The following CPS1 variants were observed in gnomAD, a reference collection of about 807,000 sequenced individuals.
CPS1 encodes the protein carbamoyl-phosphate synthase [ammonia], mitochondrial.
In CPS1, 109 loss-of-function variants were observed where a neutral mutation model predicts 174.6. That is an observed-to-expected ratio of 0.62 (90% CI 0.53 to 0.73). CPS1 has a LOEUF of 0.73. CPS1 is among the 30% of genes least tolerant of loss of function. The pLI is 0.00. For missense variants in CPS1, 1,689 were observed against 1,821.9 expected, an observed-to-expected ratio of 0.93 and a Z score of 1.33; for synonymous variants, 637 against 632.0, an observed-to-expected ratio of 1.01 and a Z score of -0.12.
At chr2:210,544,387 C>T (rs1333010435) in intron 1 of CPS1, among the ~76,000 whole-genome samples, 2 of 152,036 alleles carry the variant, frequency 1.3e-5, no homozygotes, top group Non-Finnish European at 2.9e-5. Flanking sequence ...AAATGATGCA[C>T]ACAAAGGTTA....
chr2:210,577,389 AACCT>A (rs1697748874), intron 3 of CPS1, 28 bp from the exon 4 acceptor site: 1 of 1,521,274 alleles, frequency 6.6e-7, no homozygotes, highest in Non-Finnish European at 9.1e-7. Context: ...ATCTTGTGAT[AACCT>A]CTTTAAAATG....
At chr2:210,604,992 T>C in intron 16 of CPS1, 110 bp from the exon 17 acceptor site, 1 of 1,195,708 alleles carries the variant, frequency 8.4e-7, no homozygotes, top group South Asian at 1.3e-5. Context: ...GGAGACGGGG[T>C]TTGAGAGTTC....
intron 16 of CPS1, among the ~76,000 whole-genome samples, chr2:210,602,785 G>T (rs150116483): frequency 6.6e-6 from 1 of 152,000 alleles, no homozygotes; most frequent in Admixed American, 6.6e-5. Flanking sequence ...AGCACATTGA[G>T]TAGTTTGACT....
intron 1 of CPS1, among the ~76,000 whole-genome samples, chr2:210,483,635 C>T (rs1387020388): frequency 2.6e-5 from 4 of 152,138 alleles, no homozygotes; most frequent in Admixed American, 6.5e-5. Flanking sequence ...TGGGTCCTCT[C>T]GTAACTCCCA....
At chr2:210,660,954 A>C (rs1293256167) in intron 32 of CPS1, among the ~76,000 whole-genome samples, 1 of 152,236 alleles carries the variant, frequency 6.6e-6, no homozygotes. Context: ...TAGCTGGTAA[A>C]TAGAAATCCA....
At chr2:210,511,956 G>T (rs1695506720) in intron 1 of CPS1, among the ~76,000 whole-genome samples, 1 of 151,898 alleles carries the variant, frequency 6.6e-6, no homozygotes, top group African/African-American at 2.4e-5. Context: ...ATGAGTCATT[G>T]AACCCCAAAT....
chr2:210,599,412 C>T lies in CPS1; in HGVS notation c.1400C>T (p.Ala467Val), dbSNP rs746395584. Reference protein sequence around the residue: ...VKTVLMNPNIASVQTNEVGLK... With the variant: ...VKTVLMNPNIVSVQTNEVGLK... ...ACTGTTCTGATGAACCCAAACATTG[C>T]ATCAGTCCAGACCAATGAGGTGGGC... Residue 467 changes from alanine to valine, a missense_variant, in exon 14 of 38, where the codon GCA becomes GTA. Ala to Val is a moderately conservative substitution (Grantham distance 64). Transcript: ENST00000233072. 3.7e-6 allele frequency: 6 copies of T among 1,612,446 alleles called. No individual in the cohort carries two copies. Among genetic ancestry groups the T allele is most frequent in the Non-Finnish European group, 5.1e-6 (6 of 1,178,976 alleles).
intron 1 of CPS1, 31 bp downstream of exon 1, chr2:210,556,890 A>G: frequency 6.2e-7 from 1 of 1,610,392 alleles, no homozygotes; most frequent in African/African-American, 1.3e-5. Flanking sequence ...TTCTGATAAA[A>G]TACTATGGGG....
intron 6 of CPS1, among the ~76,000 whole-genome samples, chr2:210,583,017 A>G (rs1018373195): frequency 1.3e-5 from 2 of 152,124 alleles, no homozygotes; most frequent in African/African-American, 4.8e-5. Context: ...GAAGCACTGA[A>G]TTGCCAAAGA....
At chr2:210,665,422 C>T (rs1701060967) in intron 33 of CPS1, among the ~76,000 whole-genome samples, 1 of 150,224 alleles carries the variant, frequency 6.7e-6, no homozygotes, top group Admixed American at 6.6e-5. Flanking sequence ...TGTGCTGCAG[C>T]CATTAACTCA....
intron 1 of CPS1, among the ~76,000 whole-genome samples, chr2:210,522,935 T>C (rs1183979230): frequency 6.6e-6 from 1 of 151,982 alleles, no homozygotes; most frequent in East Asian, 1.9e-4. Context: ...AATATATTAA[T>C]CCATAATTAA....
chr2:210,601,520 C>T (rs1259909217), intron 15 of CPS1, among the ~76,000 whole-genome samples: 1 of 151,924 alleles, frequency 6.6e-6, no homozygotes, highest in Admixed American at 6.6e-5. Context: ...CTCTGCTGCA[C>T]AATTTGGGAA....
chr2:210,538,259 C>G (rs963236577), intron 1 of CPS1, among the ~76,000 whole-genome samples: 19 of 152,096 alleles, frequency 1.2e-4, no homozygotes, highest in African/African-American at 4.1e-4. Flanking sequence ...TCCTATATTT[C>G]CTATTATAAT....
intron 1 of CPS1, among the ~76,000 whole-genome samples, chr2:210,568,796 T>C (rs1559080911): frequency 6.6e-6 from 1 of 152,090 alleles, no homozygotes; most frequent in African/African-American, 2.4e-5. Context: ...GATATCTACA[T>C]TTTAGATAAG....
At chr2:210,497,839 G>A (rs1470731843) in intron 1 of CPS1, among the ~76,000 whole-genome samples, 1 of 146,668 alleles carries the variant, frequency 6.8e-6, no homozygotes, top group Non-Finnish European at 1.5e-5. Flanking sequence ...TCTGAAGAGT[G>A]CTGCAATAAA....
At position 210,608,492 on chromosome 2, in the gene CPS1, G is replaced by T. The variant is rs766970243; in HGVS notation, c.2324G>T (p.Arg775Leu). ...GATTACATGGTCACCAAGATTCCCC[G>T]CTGGGATCTTGACCGTTTTCATGGA... ...SLDYMVTKIP[R>L]WDLDRFHGTS... The change falls in exon 19 of 38, where the codon CGC becomes CTC. Residue 775 changes from arginine to leucine, a missense_variant. Physicochemically the swap from Arg to Leu is moderately radical, Grantham distance 102 (BLOSUM62 -2). Coordinates refer to ENST00000233072, the MANE Select transcript of CPS1 (RefSeq NM_001875.5). 6.2e-6 allele frequency: 10 copies of T among 1,612,208 alleles called. No homozygotes were observed. The highest frequency in any genetic ancestry group is 2.2e-5 in the East Asian group (1 of 44,790).
chr2:210,678,590 CT>C lies in CPS1; in HGVS notation c.*610del. On this transcript the variant is annotated 3_prime_UTR_variant, in exon 38 of 38. Transcript: ENST00000233072. ...CATTTAGAGTATGGACTTTTCTTTT[CT>C]TTTTCTTTTTCTTTTTTTCTTTTTG... The C allele has an allele frequency of 6.5e-6, 1 of 153,772 alleles. No individual in the cohort carries two copies. The highest frequency in any genetic ancestry group is 1.4e-5 in the Non-Finnish European group (1 of 69,792). 9.5% of individuals were successfully genotyped at this position (153,772 alleles called of 1,614,324 possible).
intron 25 of CPS1, among the ~76,000 whole-genome samples, chr2:210,644,235 T>C (rs897851744): frequency 1.3e-5 from 2 of 152,084 alleles, no homozygotes; most frequent in African/African-American, 2.4e-5. Flanking sequence ...ATTTAAAATA[T>C]AGTATTACTA....
intron 1 of CPS1, among the ~76,000 whole-genome samples, chr2:210,541,614 G>T (rs1222992858): frequency 1.3e-5 from 2 of 152,112 alleles, no homozygotes; most frequent in African/African-American, 4.8e-5. Context: ...GAAGTCCAAG[G>T]CCACATTAGT....
Sources: gnomAD v4.1 joint callset for allele counts (sites outside exome capture counted in the v4.1 genomes callset) on GRCh38, gnomAD v4.1.1 for gene constraint, MANE v1.5 for transcripts, NCBI Gene and HGNC (gene_info 2026-07-23, HGNC 2026-07-21) for gene names.